Variants in BEST4 observed in about 807,000 individuals in gnomAD.
The protein encoded by BEST4 is bestrophin-4.
BEST4 carries 36 observed loss-of-function variants against 47.1 expected under a neutral mutation model. The observed-to-expected ratio is 0.76, with a 90% CI of 0.59 to 1.01. BEST4 has a LOEUF of 1.01. Among genes scored for constraint, BEST4 ranks in the 50% least tolerant of loss-of-function variants. The pLI is 0.00. For missense variants in BEST4, 550 were observed against 648.6 expected, an observed-to-expected ratio of 0.85 and a Z score of 1.65; for synonymous variants, 250 against 277.8, an observed-to-expected ratio of 0.90 and a Z score of 1.00.
rs1166211611 is a variant in BEST4 at position 44,787,563 on chromosome 1, A to G, written c.143T>C (p.Ile48Thr). 1 of 1,614,162 alleles carries G rather than the reference A, an allele frequency of 6.2e-7. No homozygotes were observed. The highest frequency in any genetic ancestry group is 8.5e-7 in the Non-Finnish European group (1 of 1,180,004). ...LFGALYAVLS[I>T]TYRLLLTQEQ... ...AAGACCCTGCCCTTACCGGTAGGTG[A>G]TGCTAAGCACAGCGTACAAGGCCCC... The change falls in exon 1 of 9, where the codon ATC (isoleucine) becomes ACC (threonine). Residue 48 changes from isoleucine (I) to threonine (T), a missense_variant. Physicochemically the swap from Ile to Thr is moderately conservative, Grantham distance 89 (BLOSUM62 -1). This residue lies in a region of BEST4 where 291 missense variants were observed against 342.4 expected (regional missense o/e 0.85). Coordinates refer to ENST00000372207, the MANE Select transcript of BEST4 (RefSeq NM_153274.3).
In BEST4 at chr1:44,784,509, C is replaced by T; in HGVS notation, c.1149-26G>A. 2 of 1,477,330 alleles carry T rather than the reference C, an allele frequency of 1.4e-6. No homozygotes were observed. Among genetic ancestry groups the T allele is most frequent in the Middle Eastern group, 2.5e-4 (1 of 4,070 alleles). The allele number at this position is 1,477,330 out of a possible 1,614,324, so 91.5% of individuals were successfully genotyped here. A position where few individuals can be genotyped will look rare whatever the true frequency, so the allele number is the denominator to read the frequency against. ...CTGCGGGCGGGAGGGCGGGCTGAGC[C>T]GGGGCACAGGGCGGGAGCGGGGACG... On this transcript the variant is annotated intron_variant, in intron 8 of 8. Coordinates refer to ENST00000372207, the MANE Select transcript of BEST4 (RefSeq NM_153274.3). The surrounding 1 kb of genome is among the most constrained non-coding windows in gnomAD (Gnocchi z 6.2).
chr1:44,790,452 T>C (rs386467177), upstream of BEST4, among the ~76,000 whole-genome samples: 1 of 152,194 alleles, frequency 6.6e-6, no homozygotes, highest in African/African-American at 2.4e-5. Context: ...AAGATGTGGC[T>C]CAGAGCACCC....
intron 2 of BEST4, 38 bp downstream of exon 2, chr1:44,787,334 G>A (rs1250477056): frequency 3.7e-6 from 6 of 1,605,902 alleles, no homozygotes; most frequent in Non-Finnish European, 5.1e-6. Context: ...AGGGAACACA[G>A]TAAGGGGGAC....
In BEST4 at chr1:44,784,337, C is replaced by T. The variant is rs1361179331; in HGVS notation, c.1295G>A (p.Arg432His). 3 of 1,391,482 alleles carry T rather than the reference C, an allele frequency of 2.2e-6. No individual in the cohort carries two copies. Among genetic ancestry groups the T allele is most frequent in the Admixed American group, 3.6e-5 (1 of 28,016 alleles). 86.2% of individuals were successfully genotyped at this position (1,391,482 alleles called of 1,614,324 possible). A position where few individuals can be genotyped will look rare whatever the true frequency, so the allele number is the denominator to read the frequency against. ...SPAISLRNFG[R>H]VRGTPRPPHL... is the part of the protein sequence containing the mutation. Reference sequence around the variant, plus strand: ...CGGGGGGCGGGGGGTGCCTCGCACGCGGCCGAAGTTCCGGAGGCTGATGGC... The same window carrying T: ...CGGGGGGCGGGGGGTGCCTCGCACGTGGCCGAAGTTCCGGAGGCTGATGGC... The change falls in exon 9 of 9, where the codon CGC becomes CAC. Residue 432 changes from arginine to histidine, a missense_variant. Transcript: ENST00000372207. This position sits in a 1 kb window ranked among gnomAD's most constrained non-coding sequence, Gnocchi z 6.2.
rs781388761 is a variant in BEST4 at position 44,786,676 on chromosome 1, C to T, written c.268G>A (p.Val90Met). 1.3e-6 allele frequency: 2 copies of T among 1,551,200 alleles called. No homozygotes were observed. Among genetic ancestry groups the T allele is most frequent in the Non-Finnish European group, 1.7e-6 (2 of 1,146,756 alleles). Reference protein sequence around the residue: ...FVLGFYVTLVVNRWWSQYTSI... With the variant: ...FVLGFYVTLVMNRWWSQYTSI... ...GTGTACTGGGACCACCAGCGGTTCACCACGAGAGTCACATAGAAACCTGCT... is the reference window on the plus strand; with the variant it reads ...GTGTACTGGGACCACCAGCGGTTCATCACGAGAGTCACATAGAAACCTGCT... The change falls in exon 3 of 9, where the codon GTG becomes ATG. Residue 90 changes from valine (V) to methionine (M), a missense_variant. Coordinates refer to ENST00000372207, the MANE Select transcript of BEST4 (RefSeq NM_153274.3). The surrounding 1 kb of genome is among the most constrained non-coding windows in gnomAD (Gnocchi z 4.9).
rs906259275 is a variant in BEST4, at chr1:44,786,467, G to A, written c.477C>T (p.Asp159=). 14 of 1,518,568 alleles carry A rather than the reference G, an allele frequency of 9.2e-6. No individual in the cohort carries two copies. The highest frequency in any genetic ancestry group is 1.1e-5 in the Non-Finnish European group (13 of 1,130,880). The allele number at this position is 1,518,568 out of a possible 1,614,324, so 94.1% of individuals were successfully genotyped here. Residue 159 remains aspartate (D), a synonymous_variant, in exon 3 of 9, where the codon GAC becomes GAT. Transcript: ENST00000372207. The surrounding 1 kb of genome is among the most constrained non-coding windows in gnomAD (Gnocchi z 4.9). ...GGCTCCCGGCGGGCGGCGCACCTGC[G>A]TCCACCACGTGCTCCATGGTGGGGA... ...KRFPTMEHVV[D]AGFMSQEERK...
At position 44,786,564 on chromosome 1, in the gene BEST4, G is replaced by T. The variant is rs758926133; in HGVS notation, c.380C>A (p.Thr127Asn). Residue 127 changes from threonine (T) to asparagine (N), a missense_variant, in exon 3 of 9, where the codon ACC (threonine) becomes AAC (asparagine). Transcript: ENST00000372207. The surrounding 1 kb of genome is among the most constrained non-coding windows in gnomAD (Gnocchi z 4.9). ...VDQRGRLLRR[T>N]LIRYANLASV... is the part of the protein sequence containing the mutation. ...CGCCAGGTTCGCGTAGCGGATGAGG[G>T]TGCGGCGCAGCAGGCGGCCCCGCTG... 2 of 1,550,378 alleles carry T rather than the reference G, an allele frequency of 1.3e-6. No homozygotes were observed. The highest frequency in any genetic ancestry group is 2.4e-5 in the South Asian group (2 of 84,088).
Position 44,784,328 on chromosome 1 carries a change from C to T in BEST4, c.1304G>A (p.Gly435Asp), listed in dbSNP as rs767472317. 2.9e-6 allele frequency: 4 copies of T among 1,394,160 alleles called. No individual in the cohort carries two copies. The highest frequency in any genetic ancestry group is 3.2e-5 in the South Asian group (2 of 63,136). The allele number at this position is 1,394,160 out of a possible 1,614,324, so 86.4% of individuals were successfully genotyped here. Residue 435 changes from glycine to aspartate, a missense_variant, in exon 9 of 9, where the codon GGC becomes GAC. Transcript: ENST00000372207. This position sits in a 1 kb window ranked among gnomAD's most constrained non-coding sequence, Gnocchi z 6.2. ...CAGCAGATGCGGGGGGCGGGGGGTG[C>T]CTCGCACGCGGCCGAAGTTCCGGAG... The part of the protein sequence containing the change: ...ISLRNFGRVR[G>D]TPRPPHLLRF...
In BEST4 at chr1:44,786,036, G is replaced by T. The variant is rs1367854591; in HGVS notation, c.636+38C>A. ...TTATTATTCATCTTTAAAATTAGAG[G>T]GAGGAGGGCAGATGGGTCTGGTCCT... On this transcript the variant is annotated intron_variant, in intron 4 of 8. Coordinates refer to ENST00000372207, the MANE Select transcript of BEST4 (RefSeq NM_153274.3). The surrounding 1 kb of genome is among the most constrained non-coding windows in gnomAD (Gnocchi z 4.9). The T allele has an allele frequency of 6.5e-7, 1 of 1,547,834 alleles. No individual in the cohort carries two copies.
At position 44,784,325 on chromosome 1, in the gene BEST4, G is replaced by A. The variant is rs1343672016; in HGVS notation, c.1307C>T (p.Thr436Ile). 7.2e-6 allele frequency: 10 copies of A among 1,395,462 alleles called. No individual in the cohort carries two copies. The highest frequency in any genetic ancestry group is 9.2e-6 in the Non-Finnish European group (10 of 1,085,056). The allele number at this position is 1,395,462 out of a possible 1,614,324, so 86.4% of individuals were successfully genotyped here. ...SLRNFGRVRG[T>I]PRPPHLLRFR... ...GCGCAGCAGATGCGGGGGGCGGGGGGTGCCTCGCACGCGGCCGAAGTTCCG... is the reference window on the plus strand; with the variant it reads ...GCGCAGCAGATGCGGGGGGCGGGGGATGCCTCGCACGCGGCCGAAGTTCCG... Residue 436 changes from threonine to isoleucine, a missense_variant, in exon 9 of 9, where the codon ACC becomes ATC. Thr to Ile is a moderately conservative substitution (Grantham distance 89). This residue lies in a region of BEST4 where 255 missense variants were observed against 286.6 expected (regional missense o/e 0.89). Transcript: ENST00000372207. The surrounding 1 kb of genome is among the most constrained non-coding windows in gnomAD (Gnocchi z 6.2).
In BEST4 at chr1:44,786,190, G is replaced by C; in HGVS notation, c.520C>G (p.Leu174Val). Reference protein sequence around the residue: ...SQEERKKFESLKSDFNKYWVP... With the variant: ...SQEERKKFESVKSDFNKYWVP... ...CAGTACTTGTTGAAGTCGGATTTCAGGCTCTCAAACTTTTTCCTCTCTTCC... is the reference window on the plus strand; with the variant it reads ...CAGTACTTGTTGAAGTCGGATTTCACGCTCTCAAACTTTTTCCTCTCTTCC... The change falls in exon 4 of 9, where the codon CTG becomes GTG. Residue 174 changes from leucine to valine, a missense_variant. Physicochemically the swap from Leu to Val is conservative, Grantham distance 32. Transcript: ENST00000372207. The surrounding 1 kb of genome is among the most constrained non-coding windows in gnomAD (Gnocchi z 4.9). 2 of 1,614,062 alleles carry C rather than the reference G, an allele frequency of 1.2e-6. No homozygotes were observed. The highest frequency in any genetic ancestry group is 1.7e-6 in the Non-Finnish European group (2 of 1,179,960).
At position 44,784,381 on chromosome 1, in the gene BEST4, G is replaced by A; in HGVS notation, c.1251C>T (p.Gly417=). 1.4e-6 allele frequency: 2 copies of A among 1,399,010 alleles called. No individual in the cohort carries two copies. Among genetic ancestry groups the A allele is most frequent in the Non-Finnish European group, 1.8e-6 (2 of 1,088,386 alleles). The allele number at this position is 1,399,010 out of a possible 1,614,324, so 86.7% of individuals were successfully genotyped here. Residue 417 remains glycine (G), a synonymous_variant, in exon 9 of 9, where the codon GGC becomes GGT. Coordinates refer to ENST00000372207, the MANE Select transcript of BEST4 (RefSeq NM_153274.3). The surrounding 1 kb of genome is among the most constrained non-coding windows in gnomAD (Gnocchi z 6.2). Reference sequence around the variant, plus strand: ...TGATGGCCGGGGAGGGCGCCCCTACGCCCAGGAAGCGGCCGAGCAACGGGG... The same window carrying A: ...TGATGGCCGGGGAGGGCGCCCCTACACCCAGGAAGCGGCCGAGCAACGGGG... ...AQTPLLGRFL[G]VGAPSPAISL... is the part of the protein sequence containing the mutation.
Position 44,785,139 on chromosome 1 carries a change from A to G in BEST4, c.881T>C (p.Leu294Pro). The change falls in exon 6 of 9, where the codon CTG (leucine) becomes CCG (proline). Residue 294 changes from leucine to proline, a missense_variant. Coordinates refer to ENST00000372207, the MANE Select transcript of BEST4 (RefSeq NM_153274.3). ...CCAGCCAGCATAGAAGAAGAACTGC[A>G]GCAGAGTGGTGAGAGGCACGTACAT... is the stretch of plus-strand genomic sequence containing the variant. ...PDMYVPLTTL[L>P]QFFFYAGWLK... 1.9e-6 allele frequency: 3 copies of G among 1,614,040 alleles called. No individual in the cohort carries two copies. Among genetic ancestry groups the G allele is most frequent in the Non-Finnish European group, 2.5e-6 (3 of 1,179,986 alleles).
chr1:44,784,282 G>A lies in BEST4; in HGVS notation c.1350C>T (p.Gly450=). The A allele has an allele frequency of 7.1e-7, 1 of 1,417,246 alleles. No individual in the cohort carries two copies. The highest frequency in any genetic ancestry group is 9.1e-7 in the Non-Finnish European group (1 of 1,097,122). 87.8% of individuals were successfully genotyped at this position (1,417,246 alleles called of 1,614,324 possible). The part of the protein sequence containing the change: ...PHLLRFRAEE[G]GDPEAAARIE... ...TGCGGGCTGCGGCCTCGGGGTCGCC[G>A]CCCTCCTCCGCCCGGAAGCGCAGCA... The change falls in exon 9 of 9, where the codon GGC becomes GGT. Residue 450 remains glycine, a synonymous_variant. Coordinates refer to ENST00000372207, the MANE Select transcript of BEST4 (RefSeq NM_153274.3). This position sits in a 1 kb window ranked among gnomAD's most constrained non-coding sequence, Gnocchi z 6.2.
At chr1:44,783,420 T>A (rs1651100344), downstream of BEST4, among the ~76,000 whole-genome samples, 1 of 151,994 alleles carries the variant, frequency 6.6e-6, no homozygotes, top group Non-Finnish European at 1.5e-5. Flanking sequence ...CTAGGGTGGG[T>A]GGTGGATGGC....
Position 44,784,312 on chromosome 1 carries a change from C to CG in BEST4, c.1319dup (p.His441AlafsTer62), listed in dbSNP as rs1409814677. The CG allele has an allele frequency of 1.4e-6, 2 of 1,394,412 alleles. No homozygotes were observed. Among genetic ancestry groups the CG allele is most frequent in the Non-Finnish European group, 9.2e-7 (1 of 1,085,074 alleles). 86.4% of individuals were successfully genotyped at this position (1,394,412 alleles called of 1,614,324 possible). ...CCTCCGCCCGGAAGCGCAGCAGATG[C>CG]GGGGGGCGGGGGGTGCCTCGCACGC... On this transcript the variant is annotated frameshift_variant, in exon 9 of 9. Transcript: ENST00000372207. LOFTEE classifies it low-confidence loss of function (END_TRUNC). The surrounding 1 kb of genome is among the most constrained non-coding windows in gnomAD (Gnocchi z 6.2).
rs540228706 is a variant in BEST4, at chr1:44,784,549, G to C, written c.1149-66C>G. On this transcript the variant is annotated intron_variant, in intron 8 of 8. Coordinates refer to ENST00000372207, the MANE Select transcript of BEST4 (RefSeq NM_153274.3). This position sits in a 1 kb window ranked among gnomAD's most constrained non-coding sequence, Gnocchi z 6.2. The stretch of plus-strand genomic sequence containing the variant: ...GAGCGGGGACGCGGGATCGGCTCTC[G>C]GGGAAGGACCGAGGCATCGGTGCCC... 1.3e-6 allele frequency: 2 copies of C among 1,526,004 alleles called. No individual in the cohort carries two copies. Among genetic ancestry groups the C allele is most frequent in the Non-Finnish European group, 8.8e-7 (1 of 1,137,736 alleles). 94.5% of individuals were successfully genotyped at this position (1,526,004 alleles called of 1,614,324 possible).
At chr1:44,789,254 A>G (rs934283718), upstream of BEST4, among the ~76,000 whole-genome samples, 4 of 145,182 alleles carry the variant, frequency 2.8e-5, no homozygotes, top group Non-Finnish European at 4.6e-5. Context: ...AAAAAAAAAA[A>G]AAAAGAAAAG....
chr1:44,791,909 C>T (rs1013172308), upstream of BEST4, among the ~76,000 whole-genome samples: 2 of 152,240 alleles, frequency 1.3e-5, no homozygotes, highest in Middle Eastern at 3.4e-3. Flanking sequence ...CCAAAGTCAC[C>T]AAGCTTTGTG....
Sources: gnomAD v4.1 joint callset for allele counts (sites outside exome capture counted in the v4.1 genomes callset) on GRCh38, gnomAD v4.1.1 for gene constraint, gnomAD v4.1.1 regional missense constraint, Gnocchi (gnomAD v3.1) non-coding constraint, MANE v1.5 for transcripts, NCBI Gene and HGNC (gene_info 2026-07-23, HGNC 2026-07-21) for gene names.